The following TAOK1 variants were observed in gnomAD, a reference collection of about 807,000 sequenced individuals.
TAOK1 encodes TAO kinase 1, also known as serine/threonine-protein kinase TAO1.
TAOK1 carries 21 observed loss-of-function variants against 138.3 expected under a neutral mutation model. That is an observed-to-expected ratio of 0.15 (90% CI 0.11 to 0.22). TAOK1 has a LOEUF of 0.22. TAOK1 is among the 10% of genes least tolerant of loss of function. The pLI is 1.00. For synonymous variants in TAOK1, 361 were observed against 398.4 expected, an observed-to-expected ratio of 0.91 and a Z score of 1.12; for missense variants, 651 against 1,227.7, an observed-to-expected ratio of 0.53 and a Z score of 7.02.
chr17:29,513,064 C>G (rs1459781921), intron 15 of TAOK1: 2 of 127,054 alleles, frequency 1.6e-5, no homozygotes, highest in South Asian at 5.8e-4. Context: ...CCCACCCCCC[C>G]CCCCGTCTTA....
intron 2 of TAOK1, among the ~76,000 whole-genome samples, chr17:29,461,178 A>G (rs916883942): frequency 1.3e-5 from 2 of 151,392 alleles, no homozygotes; most frequent in African/African-American, 4.9e-5. Flanking sequence ...CCTGGATTAG[A>G]AAAAAAAAGC....
chr17:29,533,063 T>G (rs866696358), intron 18 of TAOK1, among the ~76,000 whole-genome samples: 25 of 68,414 alleles, frequency 3.7e-4, no homozygotes, highest in Non-Finnish European at 6.4e-4. Context: ...CGGGCGGAGA[T>G]GCTCCTCACT....
intron 1 of TAOK1, among the ~76,000 whole-genome samples, chr17:29,431,636 A>G (rs756384817): frequency 6.6e-5 from 10 of 151,900 alleles, no homozygotes; most frequent in Non-Finnish European, 1.2e-4. Context: ...GTAAATAAGT[A>G]TAAGTTAAAT....
intron 12 of TAOK1, among the ~76,000 whole-genome samples, chr17:29,501,250 A>G (rs2031522187): frequency 6.6e-6 from 1 of 151,018 alleles, no homozygotes; most frequent in Non-Finnish European, 1.5e-5. Context: ...AAAGAAAAGA[A>G]AAGAAAAACA....
At chr17:29,431,391 G>T (rs961211295) in intron 1 of TAOK1, among the ~76,000 whole-genome samples, 1 of 152,034 alleles carries the variant, frequency 6.6e-6, no homozygotes, top group African/African-American at 2.4e-5. Context: ...GCAGTGAGCT[G>T]TGCTTGTGTT....
chr17:29,418,838 C>T (rs532797664), intron 1 of TAOK1, among the ~76,000 whole-genome samples: 29 of 151,882 alleles, frequency 1.9e-4, no homozygotes, highest in African/African-American at 5.3e-4. Context: ...ACTAAGGATA[C>T]AGGGGGCTGA....
At chr17:29,463,317 C>T (rs1010142968) in intron 2 of TAOK1, among the ~76,000 whole-genome samples, 1 of 152,036 alleles carries the variant, frequency 6.6e-6, no homozygotes, top group African/African-American at 2.4e-5. Flanking sequence ...TGCCTGTAAT[C>T]CCAGCACTTT....
chr17:29,515,193 G>A (rs1000294095), intron 15 of TAOK1, among the ~76,000 whole-genome samples: 4 of 152,018 alleles, frequency 2.6e-5, no homozygotes, highest in African/African-American at 9.7e-5. Flanking sequence ...CATAAAGTAT[G>A]TCTCTATTCT....
intron 18 of TAOK1, among the ~76,000 whole-genome samples, chr17:29,532,005 C>T (rs1251244277): frequency 1.3e-5 from 2 of 151,888 alleles, no homozygotes; most frequent in Admixed American, 6.6e-5. Context: ...AGACTACAGG[C>T]GCATGCCACC....
intron 2 of TAOK1, among the ~76,000 whole-genome samples, chr17:29,463,173 T>G (rs1937787910): frequency 1.3e-5 from 2 of 152,228 alleles, no homozygotes; most frequent in South Asian, 4.1e-4. Context: ...TATCTACATA[T>G]ATTATAAACA....
At chr17:29,467,754 G>A (rs993794992) in intron 3 of TAOK1, among the ~76,000 whole-genome samples, 2 of 151,880 alleles carry the variant, frequency 1.3e-5, no homozygotes, top group African/African-American at 4.8e-5. Flanking sequence ...CATAAACAGA[G>A]CATTATTGGT....
chr17:29,506,191 T>C (rs1270355820), intron 13 of TAOK1, among the ~76,000 whole-genome samples: 1 of 152,198 alleles, frequency 6.6e-6, no homozygotes, highest in East Asian at 1.9e-4. Flanking sequence ...TTATTCACAA[T>C]AGCTAAGTCA....
intron 9 of TAOK1, 21 bp from the exon 10 acceptor site, chr17:29,491,763 T>A: frequency 6.3e-7 from 1 of 1,577,338 alleles, no homozygotes; most frequent in Non-Finnish European, 8.7e-7. Flanking sequence ...TGTGTTCACT[T>A]GATACTTTCC....
At chr17:29,409,488 C>T (rs1447734211) in intron 1 of TAOK1, among the ~76,000 whole-genome samples, 1 of 151,596 alleles carries the variant, frequency 6.6e-6, no homozygotes, top group Admixed American at 6.6e-5. Flanking sequence ...GCGTCCGCAC[C>T]ATATCTGGCT....
chr17:29,443,096 G>T (rs1484640599), intron 1 of TAOK1, among the ~76,000 whole-genome samples: 1 of 152,090 alleles, frequency 6.6e-6, no homozygotes, highest in Non-Finnish European at 1.5e-5. Context: ...TCTCTAAAGG[G>T]ACTGCACATT....
chr17:29,540,191 A>G (rs963086573), intron 19 of TAOK1, among the ~76,000 whole-genome samples: 1 of 152,220 alleles, frequency 6.6e-6, no homozygotes, highest in African/African-American at 2.4e-5. Context: ...TTAAAGAGGC[A>G]TTAGGCATTT....
intron 3 of TAOK1, among the ~76,000 whole-genome samples, chr17:29,471,283 T>C (rs929264504): frequency 1.3e-4 from 17 of 129,714 alleles, no homozygotes; most frequent in East Asian, 2.3e-4. Flanking sequence ...TTTCTTTTTT[T>C]TTTTTTTTTT....
At chr17:29,414,148 G>C (rs1267157004) in intron 1 of TAOK1, among the ~76,000 whole-genome samples, 4 of 152,162 alleles carry the variant, frequency 2.6e-5, no homozygotes, top group Non-Finnish European at 5.9e-5. Context: ...CTCCCAAAGT[G>C]CTGGGATTAC....
intron 19 of TAOK1, among the ~76,000 whole-genome samples, chr17:29,538,069 G>A (rs901332706): frequency 2.9e-5 from 4 of 138,252 alleles, no homozygotes; most frequent in Non-Finnish European, 6.0e-5. Context: ...CTGAGATCAC[G>A]CCACTGCACT....
Sources: allele counts gnomAD v4.1 joint callset (sites outside exome capture counted in the v4.1 genomes callset), GRCh38; gene constraint gnomAD v4.1.1; transcripts MANE v1.5; gene names NCBI Gene and HGNC (gene_info 2026-07-23, HGNC 2026-07-21).